ADK: variants seen among roughly 807,000 people sequenced by gnomAD.
ADK encodes the protein adenosine kinase.
ADK carries 24 observed loss-of-function variants against 44.7 expected under a neutral mutation model. The ratio of observed to expected loss-of-function variants is 0.54; its 90% CI spans 0.39 to 0.76. The LOEUF (loss-of-function observed/expected upper bound fraction) is 0.76. ADK is among the 30% of genes least tolerant of loss of function. The pLI, the probability that ADK is intolerant of heterozygous loss-of-function variation, is 0.00. For missense variants in ADK, 321 were observed against 425.1 expected, an observed-to-expected ratio of 0.76 and a Z score of 2.15; for synonymous variants, 128 against 142.6, an observed-to-expected ratio of 0.90 and a Z score of 0.73.
At chr10:74,222,064 G>A (rs1844333282) in intron 2 of ADK, among the ~76,000 whole-genome samples, 1 of 152,156 alleles carries the variant, frequency 6.6e-6, no homozygotes, top group Non-Finnish European at 1.5e-5. Flanking sequence ...TACCATCAGA[G>A]TGAACAGGCA....
chr10:74,488,374 CGTGTGTGT>C (rs60178427), intron 6 of ADK, among the ~76,000 whole-genome samples: 5 of 140,866 alleles, frequency 3.5e-5, no homozygotes, highest in Non-Finnish European at 3.1e-5. Context: ...GGAAAAAAGA[CGTGTGTGT>C]GTGTGTGTGT....
chr10:74,515,527 G>C (rs1249326052), intron 6 of ADK, among the ~76,000 whole-genome samples: 1 of 152,192 alleles, frequency 6.6e-6, no homozygotes, highest in Admixed American at 6.5e-5. Flanking sequence ...TTGGCCACTT[G>C]GCTGGCTTGG....
At chr10:74,383,584 A>G (rs1237072501) in intron 4 of ADK, among the ~76,000 whole-genome samples, 1 of 152,238 alleles carries the variant, frequency 6.6e-6, no homozygotes, top group African/African-American at 2.4e-5. Flanking sequence ...ACAGATTAAC[A>G]AAAGTTAAGT....
intron 10 of ADK, among the ~76,000 whole-genome samples, chr10:74,672,035 G>A (rs949312221): frequency 6.6e-6 from 1 of 152,166 alleles, no homozygotes; most frequent in Non-Finnish European, 1.5e-5. Context: ...GCTACCATTT[G>A]TATTGTGGTT....
intron 9 of ADK, among the ~76,000 whole-genome samples, chr10:74,643,397 T>C (rs1033881908): frequency 1.3e-5 from 2 of 152,224 alleles, no homozygotes; most frequent in African/African-American, 4.8e-5. Flanking sequence ...CTGGGCTTCA[T>C]TGTGGGTATT....
At chr10:74,650,292 C>T (rs910497313) in intron 9 of ADK, among the ~76,000 whole-genome samples, 24 of 151,972 alleles carry the variant, frequency 1.6e-4, no homozygotes, top group African/African-American at 5.3e-4. Context: ...TCATGGCCGG[C>T]GTTTGTGGTC....
At chr10:74,599,355 G>A (rs533690275) in intron 8 of ADK, among the ~76,000 whole-genome samples, 6 of 152,268 alleles carry the variant, frequency 3.9e-5, no homozygotes, top group African/African-American at 1.4e-4. Flanking sequence ...TTCTGGTGAC[G>A]TTTGTAACGA....
chr10:74,220,519 A>G (rs78579722), intron 2 of ADK, among the ~76,000 whole-genome samples: 1 of 152,186 alleles, frequency 6.6e-6, no homozygotes, highest in Admixed American at 6.5e-5. Flanking sequence ...AACTCATTTT[A>G]TGAGGCCAGC....
At chr10:74,703,552 C>T (rs1333663877) in intron 10 of ADK, among the ~76,000 whole-genome samples, 4 of 151,990 alleles carry the variant, frequency 2.6e-5, no homozygotes, top group Non-Finnish European at 5.9e-5. Context: ...CAAAAATGTC[C>T]GTATCTCAAA....
chr10:74,340,791 A>G (rs182611869), intron 4 of ADK, among the ~76,000 whole-genome samples: 6 of 152,300 alleles, frequency 3.9e-5, no homozygotes, highest in Admixed American at 2.0e-4. Context: ...AGCATGCTGC[A>G]TATTACCAAT....
At chr10:74,579,194 A>G (rs1466637773) in intron 7 of ADK, among the ~76,000 whole-genome samples, 3 of 151,756 alleles carry the variant, frequency 2.0e-5, no homozygotes, top group Non-Finnish European at 4.4e-5. Context: ...AGATCATGCC[A>G]CTGCACTCCA....
intron 4 of ADK, among the ~76,000 whole-genome samples, chr10:74,360,503 A>G (rs1350178364): frequency 6.6e-6 from 1 of 152,020 alleles, no homozygotes; most frequent in African/African-American, 2.4e-5. Flanking sequence ...CCCTACTATT[A>G]TTGTATTTAT....
intron 7 of ADK, among the ~76,000 whole-genome samples, chr10:74,557,150 G>A (rs1226635451): frequency 6.6e-6 from 1 of 152,094 alleles, no homozygotes; most frequent in African/African-American, 2.4e-5. Flanking sequence ...TTTATATATA[G>A]TAGAGGAAAC....
At chr10:74,531,475 C>T (rs920737438) in intron 7 of ADK, among the ~76,000 whole-genome samples, 10 of 152,178 alleles carry the variant, frequency 6.6e-5, no homozygotes, top group Non-Finnish European at 1.2e-4. Context: ...GTAGTTAAAA[C>T]CCTTGCTACA....
intron 6 of ADK, among the ~76,000 whole-genome samples, chr10:74,522,446 T>C (rs571110433): frequency 1.5e-4 from 23 of 152,234 alleles, no homozygotes; most frequent in African/African-American, 5.5e-4. Flanking sequence ...GGGCCATATT[T>C]TGGGGTATTG....
At chr10:74,385,236 G>A (rs1843104230) in intron 4 of ADK, among the ~76,000 whole-genome samples, 1 of 152,254 alleles carries the variant, frequency 6.6e-6, no homozygotes, top group African/African-American at 2.4e-5. Flanking sequence ...GAGAGTAGAT[G>A]GTGGCCTGTA....
At chr10:74,192,028 T>C (rs1451171956) in intron 1 of ADK, among the ~76,000 whole-genome samples, 2 of 152,204 alleles carry the variant, frequency 1.3e-5, no homozygotes, top group African/African-American at 2.4e-5. Flanking sequence ...TGGAATCATA[T>C]AGTAGGTAAC....
At chr10:74,391,887 A>T (rs1032416217) in intron 4 of ADK, among the ~76,000 whole-genome samples, 1 of 152,104 alleles carries the variant, frequency 6.6e-6, no homozygotes, top group East Asian at 1.9e-4. Flanking sequence ...GGCAACCAAC[A>T]TTCTACTTAT....
At chr10:74,372,802 A>G (rs1156314437) in intron 4 of ADK, among the ~76,000 whole-genome samples, 1 of 152,164 alleles carries the variant, frequency 6.6e-6, no homozygotes. Flanking sequence ...TAAATTTCCT[A>G]CTAAAATCAC....
Sources: allele counts gnomAD v4.1 joint callset (sites outside exome capture counted in the v4.1 genomes callset), GRCh38; gene constraint gnomAD v4.1.1; transcripts MANE v1.5; gene names NCBI Gene and HGNC (gene_info 2026-07-23, HGNC 2026-07-21).